BMP2K: variants seen among roughly 807,000 people sequenced by gnomAD.
The protein encoded by BMP2K is BMP2 inducible kinase.
Under a neutral mutation model 116.0 loss-of-function variants are expected in BMP2K, and 74 were observed. The observed-to-expected ratio is 0.64, with a 90% CI of 0.53 to 0.77. The LOEUF (loss-of-function observed/expected upper bound fraction) is 0.77, where lower values mean the gene tolerates loss of function less well. Ranked by LOEUF, BMP2K falls within the 30% of genes least tolerant of loss-of-function variation. The pLI, the probability that BMP2K is intolerant of heterozygous loss-of-function variation, is 0.00. For missense variants in BMP2K, 1,365 were observed against 1,403.6 expected (o/e 0.97, Z 0.44); for synonymous variants, 486 against 502.5 (o/e 0.97, Z 0.44).
At chr4:78,811,265 C>T (rs1186739406) in intron 1 of BMP2K, among the ~76,000 whole-genome samples, 2 of 152,194 alleles carry the variant, frequency 1.3e-5, no homozygotes, top group Non-Finnish European at 2.9e-5. Context: ...TAGTTGTTAA[C>T]ATGAATTACA....
At chr4:78,777,158 T>G (rs940855122) in intron 1 of BMP2K, among the ~76,000 whole-genome samples, 6 of 152,060 alleles carry the variant, frequency 3.9e-5, no homozygotes, top group African/African-American at 1.4e-4. Context: ...CTGCAGCCCC[T>G]GGTGTCAAGC....
chr4:78,786,405 ATGTGTGTGTG>A (rs34288286), intron 1 of BMP2K, among the ~76,000 whole-genome samples: 2,955 of 134,374 alleles, frequency 0.022, 100 homozygotes, highest in African/African-American at 0.076. Flanking sequence ...AAGCCACCCA[ATGTGTGTGTG>A]TGTGTGTGTG....
At chr4:78,827,010 G>A (rs1451667482) in intron 2 of BMP2K, among the ~76,000 whole-genome samples, 2 of 152,176 alleles carry the variant, frequency 1.3e-5, no homozygotes, top group African/African-American at 4.8e-5. Context: ...AAGAAAGCAA[G>A]TCACACAGTT....
At chr4:78,841,859 A>G (rs916369310) in intron 3 of BMP2K, among the ~76,000 whole-genome samples, 2 of 151,952 alleles carry the variant, frequency 1.3e-5, no homozygotes, top group South Asian at 2.1e-4. Flanking sequence ...TTATCCTTCA[A>G]TCTCAAATAT....
intron 13 of BMP2K, among the ~76,000 whole-genome samples, chr4:78,874,970 G>C (rs528139474): frequency 1.5e-4 from 23 of 152,244 alleles, no homozygotes; most frequent in African/African-American, 5.3e-4. Context: ...ATATTGGGTT[G>C]CATATCTGGG....
At chr4:78,867,781 G>A (rs1345779253) in intron 10 of BMP2K, among the ~76,000 whole-genome samples, 2 of 152,098 alleles carry the variant, frequency 1.3e-5, no homozygotes, top group African/African-American at 2.4e-5. Flanking sequence ...AATGGAGGCC[G>A]GGCATGGTGG....
At chr4:78,871,692 ATATT>A (rs773787797) in intron 11 of BMP2K, among the ~76,000 whole-genome samples, 154 bp from the exon 12 acceptor site, 57 of 152,326 alleles carry the variant, frequency 3.7e-4, no homozygotes, top group Middle Eastern at 6.8e-3. Flanking sequence ...TCTGATAAGC[ATATT>A]TATTAATAAA....
At chr4:78,818,385 G>A (rs1332113054) in intron 1 of BMP2K, among the ~76,000 whole-genome samples, 1 of 152,222 alleles carries the variant, frequency 6.6e-6, no homozygotes, top group Non-Finnish European at 1.5e-5. Flanking sequence ...CACCAAAAGT[G>A]TAAAAGCATT....
intron 1 of BMP2K, among the ~76,000 whole-genome samples, chr4:78,810,507 A>G (rs1039906165): frequency 1.3e-5 from 2 of 152,334 alleles, no homozygotes; most frequent in African/African-American, 2.4e-5. Flanking sequence ...TGTTTTAAAC[A>G]GATGCCCTGG....
intron 15 of BMP2K, among the ~76,000 whole-genome samples, chr4:78,902,569 C>T (rs1248975829): frequency 6.6e-6 from 1 of 152,102 alleles, no homozygotes; most frequent in Non-Finnish European, 1.5e-5. Context: ...CTCCCGTACA[C>T]CCTCAATGAT....
intron 7 of BMP2K, among the ~76,000 whole-genome samples, chr4:78,858,073 G>A (rs1302140591): frequency 2.6e-5 from 4 of 151,850 alleles, no homozygotes; most frequent in African/African-American, 9.7e-5. Flanking sequence ...GACTAAATAT[G>A]TATAATTAGC....
intron 1 of BMP2K, among the ~76,000 whole-genome samples, chr4:78,801,093 C>T (rs1022225727): frequency 6.6e-6 from 1 of 152,136 alleles, no homozygotes; most frequent in Non-Finnish European, 1.5e-5. Flanking sequence ...CCTGCAGTCT[C>T]TCTGTGTAAT....
At chr4:78,843,114 T>C (rs1730838918) in intron 4 of BMP2K, among the ~76,000 whole-genome samples, 1 of 152,012 alleles carries the variant, frequency 6.6e-6, no homozygotes, top group African/African-American at 2.4e-5. Flanking sequence ...TATTCTGGCA[T>C]TATATTGCTA....
chr4:78,911,969 C>T lies in BMP2K; in HGVS notation c.3422C>T (p.Ser1141Phe), dbSNP rs372459906. ...LVVQSITPHQ[S>F]QQSQPVELDP... ...GTGCAAAGCATCACTCCACATCAGTCCCAACAGTCCCAACCAGTCGAATTA... is the reference window on the plus strand; with the variant it reads ...GTGCAAAGCATCACTCCACATCAGTTCCAACAGTCCCAACCAGTCGAATTA... The change falls in exon 16 of 16, where the codon TCC becomes TTC. Residue 1141 changes from serine (S) to phenylalanine (F), a missense_variant. Coordinates refer to ENST00000502613, the MANE Select transcript of BMP2K (RefSeq NM_198892.2). 75 of 1,613,796 alleles carry T rather than the reference C, an allele frequency of 4.6e-5. No individual in the cohort carries two copies. Among genetic ancestry groups the T allele is most frequent in the Non-Finnish European group, 6.3e-5 (74 of 1,179,844 alleles).
At chr4:78,907,105 CTAAA>C (rs1194540537) in intron 15 of BMP2K, among the ~76,000 whole-genome samples, 2 of 151,992 alleles carry the variant, frequency 1.3e-5, no homozygotes, top group Non-Finnish European at 2.9e-5. Context: ...TATTCTATTG[CTAAA>C]TAGTGAACAG....
intron 1 of BMP2K, among the ~76,000 whole-genome samples, chr4:78,781,457 C>T (rs1727500501): frequency 6.8e-6 from 1 of 147,890 alleles, no homozygotes; most frequent in African/African-American, 2.5e-5. Context: ...GTTTGGAGGA[C>T]AGCCAGTAGT....
chr4:78,818,790 G>GT (rs373252130), intron 1 of BMP2K, among the ~76,000 whole-genome samples: 1,733 of 129,392 alleles, frequency 0.013, 20 homozygotes, highest in African/African-American at 0.031. Flanking sequence ...ATGAAGCAGT[G>GT]TTTTTTTTTT....
intron 1 of BMP2K, among the ~76,000 whole-genome samples, chr4:78,802,044 T>C (rs951205468): frequency 2.6e-5 from 4 of 152,246 alleles, no homozygotes; most frequent in African/African-American, 9.6e-5. Context: ...TTTTGTTAGC[T>C]TGAGAAGTCT....
At chr4:78,893,840 T>C (rs1390404356) in intron 15 of BMP2K, among the ~76,000 whole-genome samples, 2 of 152,184 alleles carry the variant, frequency 1.3e-5, no homozygotes, top group East Asian at 1.9e-4. Flanking sequence ...GCTGGGATTA[T>C]AGTGTGAGCC....
Sources: gnomAD v4.1 joint callset for allele counts (sites outside exome capture counted in the v4.1 genomes callset) on GRCh38, gnomAD v4.1.1 for gene constraint, MANE v1.5 for transcripts, NCBI Gene and HGNC (gene_info 2026-07-23, HGNC 2026-07-21) for gene names.